Variants in ABCA12 observed in about 807,000 individuals in gnomAD.
ABCA12 encodes ATP binding cassette subfamily A member 12, also known as glucosylceramide transporter ABCA12.
In ABCA12, 156 loss-of-function variants were observed where a neutral mutation model predicts 293.5. The observed-to-expected ratio is 0.53, with a 90% CI of 0.47 to 0.61. The LOEUF (loss-of-function observed/expected upper bound fraction) is 0.61, where lower values mean the gene tolerates loss of function less well. Among genes scored for constraint, ABCA12 ranks in the 20% least tolerant of loss-of-function variants. The probability of loss-of-function intolerance (pLI) is 0.00; values close to 1 mark genes in which losing one functional copy is unlikely to be tolerated. For missense variants in ABCA12, 2,797 were observed against 3,090.2 expected (o/e 0.91, Z 2.25); for synonymous variants, 1,063 against 1,108.0 (o/e 0.96, Z 0.81).
At chr2:215,031,969 A>G (rs761107901) in intron 8 of ABCA12, 73 bp from the exon 9 acceptor site, 45 of 1,604,044 alleles carry the variant, frequency 2.8e-5, no homozygotes, top group Non-Finnish European at 3.6e-5. Flanking sequence ...AGTGAAAACC[A>G]TCCCAGGTCA....
chr2:214,944,696 C>T lies in ABCA12; in HGVS notation c.7343+305G>A, dbSNP rs560501828. On this transcript the variant is annotated intron_variant, in intron 49 of 52. Coordinates refer to ENST00000272895, the MANE Select transcript of ABCA12 (RefSeq NM_173076.3). ...AGAGGGCCATAAGTCATGAGAAATT[C>T]GATGTTAAAAAGACTGCTTAGACCT... Among the ~76,000 whole-genome samples, 38 of 151,912 alleles carry T rather than the reference C, an allele frequency of 2.5e-4. 1 individual carries two copies. Among genetic ancestry groups the T allele is most frequent in the Non-Finnish European group, 5.1e-4 (35 of 67,976 alleles).
chr2:214,987,608 C>A, intron 27 of ABCA12, 39 bp downstream of exon 27: 8 of 1,584,698 alleles, frequency 5.0e-6, no homozygotes, highest in Non-Finnish European at 6.9e-6. Flanking sequence ...CATATCATTT[C>A]TCTCATAACA....
At chr2:214,936,958 T>C (rs531432947) in intron 51 of ABCA12, among the ~76,000 whole-genome samples, 1 of 152,116 alleles carries the variant, frequency 6.6e-6, no homozygotes, top group African/African-American at 2.4e-5. Flanking sequence ...AATACATGTA[T>C]GTGAAAGGAC....
intron 2 of ABCA12, among the ~76,000 whole-genome samples, chr2:215,078,786 C>T (rs1187895257): frequency 1.3e-5 from 2 of 152,204 alleles, no homozygotes; most frequent in Non-Finnish European, 2.9e-5. Flanking sequence ...ATCCTAGTCA[C>T]TCTATCTTTA....
intron 33 of ABCA12, 136 bp from the exon 34 acceptor site, chr2:214,976,173 A>G: frequency 8.0e-7 from 1 of 1,256,698 alleles, no homozygotes; most frequent in Non-Finnish European, 1.1e-6. Context: ...GAGGTTCAGC[A>G]ATGTTATTTC....
intron 38 of ABCA12, among the ~76,000 whole-genome samples, chr2:214,967,329 T>C (rs943160408): frequency 6.6e-6 from 1 of 152,102 alleles, no homozygotes; most frequent in Non-Finnish European, 1.5e-5. Flanking sequence ...TAAAAACTAA[T>C]GGAATAGACC....
chr2:214,956,548 T>C (rs2105934727), intron 42 of ABCA12, 115 bp downstream of exon 42: 1 of 743,546 alleles, frequency 1.3e-6, no homozygotes, highest in East Asian at 2.6e-5. Flanking sequence ...TCATCACTCA[T>C]GTCAAATGAA....
intron 50 of ABCA12, among the ~76,000 whole-genome samples, chr2:214,942,079 A>G (rs1698424743): frequency 1.3e-5 from 2 of 151,952 alleles, no homozygotes. Context: ...TACACTTGTA[A>G]AGTTAAATGC....
intron 48 of ABCA12, among the ~76,000 whole-genome samples, chr2:214,946,794 A>G (rs1321199745): frequency 6.6e-6 from 1 of 152,150 alleles, no homozygotes; most frequent in Non-Finnish European, 1.5e-5. Context: ...TATTAACATT[A>G]CTACTATGTG....
chr2:215,103,894 G>A (rs998272544), intron 2 of ABCA12, among the ~76,000 whole-genome samples: 6 of 152,050 alleles, frequency 3.9e-5, no homozygotes, highest in African/African-American at 1.2e-4. Flanking sequence ...GGCAGAGGCA[G>A]GAGAATCACT....
At chr2:214,935,618 G>A (rs1211441072) in intron 51 of ABCA12, among the ~76,000 whole-genome samples, 3 of 152,082 alleles carry the variant, frequency 2.0e-5, no homozygotes, top group Non-Finnish European at 4.4e-5. Flanking sequence ...GCAACATAGT[G>A]AGATTCTGTC....
chr2:214,981,984 A>ATTTTTTTTTT (rs1553524838), intron 30 of ABCA12, among the ~76,000 whole-genome samples: 20 of 132,350 alleles, frequency 1.5e-4, no homozygotes, highest in African/African-American at 5.9e-4. Flanking sequence ...TATTATTATT[A>ATTTTTTTTTT]TTTTATTATT....
At chr2:215,013,472 T>C (rs1426943985) in intron 15 of ABCA12, 1 of 153,292 alleles carries the variant, frequency 6.5e-6, no homozygotes, top group African/African-American at 2.4e-5. Flanking sequence ...GTCATGAAGA[T>C]ATGGTTACCT....
At position 214,942,991 on chromosome 2, in the gene ABCA12, G is replaced by A; in HGVS notation, c.7370C>T (p.Thr2457Ile). The change falls in exon 50 of 53, where the codon ACC becomes ATC. Residue 2457 changes from threonine to isoleucine, a missense_variant. Around this residue, in one of 3 missense-constraint regions of ABCA12, gnomAD observed 2,130 missense variants for 2,427.0 expected, o/e 0.88. Transcript: ENST00000272895. ...TCCATTCACCATAATGGCCAACCTG[G>A]TACAGAGAGCTTCACATTCTTCCAT... ...HSMEECEALC[T>I]RLAIMVNGKF... is the part of the protein sequence containing the mutation. 1 of 1,613,328 alleles carries A rather than the reference G, an allele frequency of 6.2e-7. No homozygotes were observed. The highest frequency in any genetic ancestry group is 8.5e-7 in the Non-Finnish European group (1 of 1,179,774).
intron 50 of ABCA12, among the ~76,000 whole-genome samples, chr2:214,940,369 T>C (rs1698357167): frequency 1.3e-5 from 2 of 152,216 alleles, no homozygotes; most frequent in African/African-American, 4.8e-5. Context: ...GGTTTGCCAG[T>C]ATTTTACTGA....
At chr2:214,981,091 A>G (rs191968645) in intron 30 of ABCA12, among the ~76,000 whole-genome samples, 6,705 of 136,360 alleles carry the variant, frequency 0.049, 471 homozygotes, top group African/African-American at 0.18. Flanking sequence ...TCTCAAAGGG[A>G]AAAAAAAAAA....
intron 50 of ABCA12, among the ~76,000 whole-genome samples, chr2:214,938,913 T>C (rs1698308828): frequency 6.6e-6 from 1 of 152,222 alleles, no homozygotes; most frequent in Non-Finnish European, 1.5e-5. Context: ...AGGTTGCCTG[T>C]TCACTCTGAT....
chr2:215,072,878 C>T (rs773494074), intron 2 of ABCA12, among the ~76,000 whole-genome samples: 21 of 152,236 alleles, frequency 1.4e-4, no homozygotes, highest in South Asian at 6.2e-4. Context: ...GGGCGGATCA[C>T]GAGGTCAGGA....
intron 48 of ABCA12, among the ~76,000 whole-genome samples, chr2:214,947,089 G>A (rs997878640): frequency 6.6e-6 from 1 of 152,064 alleles, no homozygotes; most frequent in African/African-American, 2.4e-5. Flanking sequence ...TCAATAGGTG[G>A]GAATCAGATG....
Sources: gnomAD v4.1 joint callset for allele counts (sites outside exome capture counted in the v4.1 genomes callset) on GRCh38, gnomAD v4.1.1 for gene constraint, gnomAD v4.1.1 regional missense constraint, MANE v1.5 for transcripts, NCBI Gene and HGNC (gene_info 2026-07-23, HGNC 2026-07-21) for gene names.